The following SORT1 variants were observed in gnomAD, a reference collection of about 807,000 sequenced individuals.
SORT1 encodes the protein sortilin 1, also known as sortilin.
SORT1 carries 39 observed loss-of-function variants against 101.7 expected under a neutral mutation model. The ratio of observed to expected loss-of-function variants is 0.38; its 90% CI spans 0.30 to 0.50. The LOEUF is 0.50. Ranked by LOEUF, SORT1 falls within the 20% of genes least tolerant of loss-of-function variation. The probability of loss-of-function intolerance (pLI) is 0.90; values close to 1 mark genes in which losing one functional copy is unlikely to be tolerated. For synonymous variants in SORT1, 396 were observed against 393.7 expected, an observed-to-expected ratio of 1.01 and a Z score of -0.07; for missense variants, 878 against 1,040.4, an observed-to-expected ratio of 0.84 and a Z score of 2.15.
chr1:109,397,881 G>T lies in SORT1; in HGVS notation c.12C>A (p.Pro4=), dbSNP rs72646553. The stretch of plus-strand genomic sequence containing the variant: ...GCGAGAGGCCGTCCGCAGCTCCCCA[G>T]GGCCGCTCCATCGCCGCCGAATGCC... MER[P]WGAADGLSRW... is the part of the protein sequence containing the mutation. The change falls in exon 1 of 20, where the codon CCC becomes CCA. Residue 4 remains proline (P), a synonymous_variant. Transcript: ENST00000256637. 6.7e-6 allele frequency: 8 copies of T among 1,198,776 alleles called. No individual in the cohort carries two copies. The highest frequency in any genetic ancestry group is 8.3e-6 in the Non-Finnish European group (8 of 964,670). 74.3% of individuals were successfully genotyped at this position (1,198,776 alleles called of 1,614,324 possible).
At chr1:109,314,624 C>G (rs1226853035) in intron 18 of SORT1, 48 bp downstream of exon 18, 9 of 1,328,286 alleles carry the variant, frequency 6.8e-6, no homozygotes, top group African/African-American at 1.4e-5. Flanking sequence ...CCTAGATCAG[C>G]CTTCTGGCTT....
At chr1:109,332,178 T>C (rs2101563426) in intron 11 of SORT1, among the ~76,000 whole-genome samples, 1 of 152,282 alleles carries the variant, frequency 6.6e-6, no homozygotes, top group Non-Finnish European at 1.5e-5. Flanking sequence ...TATTATATGG[T>C]TATAAATAAC....
At chr1:109,377,727 G>A (rs1651955684) in intron 1 of SORT1, among the ~76,000 whole-genome samples, 1 of 152,210 alleles carries the variant, frequency 6.6e-6, no homozygotes, top group Admixed American at 6.5e-5. Flanking sequence ...TCTGACTACT[G>A]AGATTTAAGC....
Position 109,314,751 on chromosome 1 carries a change from T to TCCCA in SORT1, c.2277_2278insTGGG (p.Ile760TrpfsTer59). The TCCCA allele has an allele frequency of 6.2e-7, 1 of 1,609,806 alleles. No individual in the cohort carries two copies. Among genetic ancestry groups the TCCCA allele is most frequent in the Non-Finnish European group, 8.5e-7 (1 of 1,176,122 alleles). On this transcript the variant is annotated frameshift_variant, in exon 18 of 20. Coordinates refer to ENST00000256637, the MANE Select transcript of SORT1 (RefSeq NM_002959.7). LOFTEE classifies it high-confidence loss of function. Reference sequence around the variant, plus strand: ...AGCATCAATCCCACGATGGCCAGGATAATTGGAACAGAATTTGACTTGGAA... The same window carrying TCCCA: ...AGCATCAATCCCACGATGGCCAGGATCCCAAATTGGAACAGAATTTGACTTGGAA...
intron 13 of SORT1, among the ~76,000 whole-genome samples, chr1:109,326,052 TTC>T (rs1444230935): frequency 6.7e-6 from 1 of 149,072 alleles, no homozygotes; most frequent in Admixed American, 6.7e-5. Context: ...GAACTTATAC[TTC>T]TTTTTTTTTT....
At chr1:109,383,521 T>C (rs958602792) in intron 1 of SORT1, among the ~76,000 whole-genome samples, 4 of 152,160 alleles carry the variant, frequency 2.6e-5, no homozygotes, top group Non-Finnish European at 5.9e-5. Context: ...AACTAACTGG[T>C]TGGGAAGGTA....
intron 8 of SORT1, among the ~76,000 whole-genome samples, chr1:109,344,221 G>C (rs1466669826): frequency 6.6e-6 from 1 of 152,180 alleles, no homozygotes; most frequent in African/African-American, 2.4e-5. Flanking sequence ...TCCTGAGAGA[G>C]CTCCCGGCGC....
At chr1:109,347,707 A>G (rs539397185) in intron 6 of SORT1, among the ~76,000 whole-genome samples, 175 bp from the exon 7 acceptor site, 48 of 152,240 alleles carry the variant, frequency 3.2e-4, no homozygotes, top group African/African-American at 1.1e-3. Context: ...CAAGCTCCCC[A>G]CTGCCCGGCC....
At chr1:109,332,955 G>T (rs1241858414) in intron 11 of SORT1, among the ~76,000 whole-genome samples, 3 of 152,100 alleles carry the variant, frequency 2.0e-5, no homozygotes, top group African/African-American at 7.2e-5. Context: ...TTGAGATGGA[G>T]TCTTGCTCTG....
chr1:109,336,328 A>G lies in SORT1; in HGVS notation c.1283T>C (p.Met428Thr), dbSNP rs529921012. 38 of 1,609,014 alleles carry G rather than the reference A, an allele frequency of 2.4e-5. No homozygotes were observed. Among genetic ancestry groups the G allele is most frequent in the East Asian group, 6.7e-5 (3 of 44,866 alleles). ...VLSEDNSIQTMITFDQGGRWT... is the reference protein window; with the variant it reads ...VLSEDNSIQTTITFDQGGRWT... Reference sequence around the variant, plus strand: ...CCTTCCTCCTTGGTCAAAAGTGATCATGGTCTGGATAGAATTATCTGAATG... The same window carrying G: ...CCTTCCTCCTTGGTCAAAAGTGATCGTGGTCTGGATAGAATTATCTGAATG... The change falls in exon 11 of 20, where the codon ATG (methionine) becomes ACG (threonine). Residue 428 changes from methionine (M) to threonine (T), a missense_variant. Around this residue, in one of 2 missense-constraint regions of SORT1, gnomAD observed 684 missense variants for 894.5 expected, o/e 0.76. Transcript: ENST00000256637.
intron 8 of SORT1, among the ~76,000 whole-genome samples, chr1:109,344,597 A>C (rs189734102): frequency 4.6e-5 from 7 of 152,294 alleles, no homozygotes; most frequent in Admixed American, 1.3e-4. Context: ...AGCCCATCCT[A>C]AACAGTCTGT....
At chr1:109,322,354 AC>A (rs1396112832) in intron 15 of SORT1, among the ~76,000 whole-genome samples, 1 of 135,082 alleles carries the variant, frequency 7.4e-6, no homozygotes, top group Non-Finnish European at 1.7e-5. Flanking sequence ...TTCTTATATC[AC>A]TCCTCTCCTT....
chr1:109,393,153 A>T (rs2140924), intron 1 of SORT1: 2 of 985,124 alleles, frequency 2.0e-6, no homozygotes, highest in South Asian at 4.7e-5. Context: ...ACCCTGCCAG[A>T]GCCAGCAAAC....
At chr1:109,393,179 T>TC in intron 1 of SORT1, 1 of 985,388 alleles carries the variant, frequency 1.0e-6, no homozygotes, top group Non-Finnish European at 1.2e-6. Context: ...CACGCATTCT[T>TC]CCCAGAGCTG....
intron 1 of SORT1, among the ~76,000 whole-genome samples, chr1:109,372,772 A>G (rs933045430): frequency 1.3e-5 from 2 of 151,692 alleles, no homozygotes; most frequent in Admixed American, 1.3e-4. Context: ...GGTGGCGGGC[A>G]CCTGTAGTCC....
rs1389176907 is a variant in SORT1 at position 109,352,292 on chromosome 1, G to A, written c.709-1290C>T. On this transcript the variant is annotated intron_variant, in intron 5 of 19. Transcript: ENST00000256637. ...ACATTATAGGTGGTGGTAGCTAAAT[G>A]GTAAGAGTGGAAGAGAATGCTCAGT... 3.3e-5 allele frequency among the ~76,000 whole-genome samples: 5 copies of A among 152,214 alleles called. No individual in the cohort carries two copies. The South Asian group carries it at 1.0e-3, about 32-fold the overall frequency.
intron 13 of SORT1, among the ~76,000 whole-genome samples, chr1:109,326,428 AATATATATATATAT>A (rs1166570516): frequency 1.4e-4 from 10 of 70,906 alleles, no homozygotes; most frequent in African/African-American, 4.1e-4. Flanking sequence ...AGACAGAAAG[AATATATATATATAT>A]ATATATATAT....
In SORT1 at chr1:109,347,503, G is replaced by A; in HGVS notation, c.812C>T (p.Thr271Ile). 8 of 1,610,754 alleles carry A rather than the reference G, an allele frequency of 5.0e-6. No individual in the cohort carries two copies. Among genetic ancestry groups the A allele is most frequent in the Non-Finnish European group, 6.8e-6 (8 of 1,176,982 alleles). ...WGSDNTIFFT[T>I]YANGSCKADL... ...CTTACTGCAGGAGCCATTTGCATAG[G>A]TTGTAAAGAAGATGGTGTTGTCTGA... The change falls in exon 7 of 20, where the codon ACC becomes ATC. Residue 271 changes from threonine (T) to isoleucine (I), a missense_variant. Thr to Ile is a moderately conservative substitution (Grantham distance 89). Transcript: ENST00000256637.
chr1:109,380,320 A>G (rs1402501221), intron 1 of SORT1, among the ~76,000 whole-genome samples: 5 of 152,142 alleles, frequency 3.3e-5, no homozygotes, highest in Non-Finnish European at 7.4e-5. Flanking sequence ...GTATAAGCGA[A>G]TATTTTTATA....
Sources: allele counts gnomAD v4.1 joint callset (sites outside exome capture counted in the v4.1 genomes callset), GRCh38; gene constraint gnomAD v4.1.1; regional missense constraint gnomAD v4.1.1; transcripts MANE v1.5; gene names NCBI Gene and HGNC (gene_info 2026-07-23, HGNC 2026-07-21).